Variants in MGMT observed in about 807,000 individuals in gnomAD.
The protein encoded by MGMT is O-6-methylguanine-DNA methyltransferase.
A neutral mutation model predicts 15.9 loss-of-function variants in MGMT; 14 were observed. The observed-to-expected ratio is 0.88, with a 90% confidence interval of 0.58 to 1.37. The LOEUF (loss-of-function observed/expected upper bound fraction) is 1.37. MGMT is among the 40% of genes most tolerant of loss of function. The probability of loss-of-function intolerance (pLI) is 0.00; values close to 1 mark genes in which losing one functional copy is unlikely to be tolerated. For missense variants in MGMT, 282 were observed against 268.1 expected, an observed-to-expected ratio of 1.05 and a Z score of -0.36; for synonymous variants, 130 against 118.2, an observed-to-expected ratio of 1.10 and a Z score of -0.65.
rs959172206 is a variant in MGMT at position 129,556,076 on chromosome 10, G to T, written c.125+19699G>T. 1.3e-5 allele frequency among the ~76,000 whole-genome samples: 2 copies of T among 152,190 alleles called. No homozygotes were observed. Among genetic ancestry groups the T allele is most frequent in the Admixed American group, 1.3e-4 (2 of 15,284 alleles). On this transcript the variant is annotated intron_variant, in intron 2 of 4. Coordinates refer to ENST00000651593, the MANE Select transcript of MGMT (RefSeq NM_002412.5). This position sits in a 1 kb window ranked among gnomAD's most constrained non-coding sequence, Gnocchi z 4.3. Reference sequence around the variant, plus strand: ...TTCCAAGTGGTTTTGTGTCTCCTCAGTTTACAGAGTCCATGTTTTTGGTGA... The same window carrying T: ...TTCCAAGTGGTTTTGTGTCTCCTCATTTTACAGAGTCCATGTTTTTGGTGA...
At chr10:129,764,611 G>C (rs1848911809) in intron 4 of MGMT, among the ~76,000 whole-genome samples, 2 of 152,268 alleles carry the variant, frequency 1.3e-5, no homozygotes, top group South Asian at 4.1e-4. Flanking sequence ...TGGCTTTGGA[G>C]GGTGGAGCGT....
intron 1 of MGMT, among the ~76,000 whole-genome samples, chr10:129,477,205 A>G (rs942280791): frequency 6.6e-6 from 1 of 151,056 alleles, no homozygotes; most frequent in East Asian, 2.0e-4. Flanking sequence ...AATCTTCCCC[A>G]CTCTCACTTC....
intron 1 of MGMT, among the ~76,000 whole-genome samples, chr10:129,529,336 G>C (rs528782063): frequency 3.2e-4 from 49 of 152,212 alleles, no homozygotes; most frequent in Non-Finnish European, 1.9e-4. Context: ...AGATGGGAGT[G>C]GGGGGATGGT....
intron 1 of MGMT, among the ~76,000 whole-genome samples, chr10:129,511,854 C>T (rs538927755): frequency 1.3e-5 from 2 of 152,334 alleles, no homozygotes; most frequent in East Asian, 1.9e-4. Context: ...CCTGCTGTAT[C>T]GGAATCCGCA....
chr10:129,671,801 T>A (rs1847727269), intron 2 of MGMT, among the ~76,000 whole-genome samples: 3 of 152,210 alleles, frequency 2.0e-5, no homozygotes, highest in Admixed American at 2.0e-4. Flanking sequence ...AACATCTTCA[T>A]CACCTCTGTC....
chr10:129,480,658 A>G (rs1293967180), intron 1 of MGMT, among the ~76,000 whole-genome samples: 1 of 152,142 alleles, frequency 6.6e-6, no homozygotes, highest in East Asian at 1.9e-4. Context: ...TGGGAGGATC[A>G]CTTGAGGCCA....
chr10:129,490,651 T>C (rs1845460435), intron 1 of MGMT, among the ~76,000 whole-genome samples: 1 of 152,142 alleles, frequency 6.6e-6, no homozygotes, highest in Non-Finnish European at 1.5e-5. Flanking sequence ...AAATATCCAG[T>C]TTGGTAGTCT....
At chr10:129,550,148 A>G (rs116156736) in intron 2 of MGMT, among the ~76,000 whole-genome samples, 32 of 152,356 alleles carry the variant, frequency 2.1e-4, no homozygotes, top group African/African-American at 6.0e-4. Flanking sequence ...TTGTGAACGT[A>G]CAGTTGAGCG....
At chr10:129,541,009 C>T (rs181940928) in intron 2 of MGMT, among the ~76,000 whole-genome samples, 732 of 152,326 alleles carry the variant, frequency 4.8e-3, no homozygotes, top group Non-Finnish European at 6.5e-3. Context: ...CTCCGAGTGC[C>T]TATGAGTCCC....
chr10:129,627,153 G>A (rs945017482), intron 2 of MGMT, among the ~76,000 whole-genome samples: 12 of 152,226 alleles, frequency 7.9e-5, no homozygotes, highest in African/African-American at 2.7e-4. Context: ...TTGAAAGTGA[G>A]ATATCAAAGG....
intron 1 of MGMT, among the ~76,000 whole-genome samples, chr10:129,485,914 A>G (rs995424541): frequency 1.3e-5 from 2 of 152,214 alleles, no homozygotes; most frequent in African/African-American, 4.8e-5. Context: ...AGTGGGTGAA[A>G]AGAAAGCTTC....
At chr10:129,591,220 A>G (rs557311) in intron 2 of MGMT, among the ~76,000 whole-genome samples, 59,639 of 152,104 alleles carry the variant, frequency 0.39, 12,627 homozygotes, top group East Asian at 0.64. Flanking sequence ...GTCCATTTTT[A>G]ACTTTTGAAA....
At chr10:129,611,324 C>T (rs1305526703) in intron 2 of MGMT, among the ~76,000 whole-genome samples, 1 of 152,208 alleles carries the variant, frequency 6.6e-6, no homozygotes, top group East Asian at 1.9e-4. Flanking sequence ...GAAGCAAACA[C>T]ATCCTCATGG....
At chr10:129,569,334 T>C (rs1337878675) in intron 2 of MGMT, among the ~76,000 whole-genome samples, 2 of 152,178 alleles carry the variant, frequency 1.3e-5, no homozygotes, top group Non-Finnish European at 2.9e-5. Context: ...TAGTTGGCGT[T>C]GTCATCCTGT....
At chr10:129,582,130 T>A (rs1465148287) in intron 2 of MGMT, among the ~76,000 whole-genome samples, 3 of 152,226 alleles carry the variant, frequency 2.0e-5, no homozygotes, top group African/African-American at 7.2e-5. Context: ...CATCTGTGTA[T>A]GAAGGACATC....
chr10:129,568,965 CT>C (rs892501004), intron 2 of MGMT, among the ~76,000 whole-genome samples: 4 of 152,234 alleles, frequency 2.6e-5, no homozygotes, highest in African/African-American at 9.6e-5. Context: ...CTTTCCTGGG[CT>C]GCCTCACACA....
intron 1 of MGMT, among the ~76,000 whole-genome samples, chr10:129,473,958 C>A (rs999550414): frequency 6.6e-6 from 1 of 152,158 alleles, no homozygotes; most frequent in Non-Finnish European, 1.5e-5. Context: ...TCACCATGTC[C>A]CTGCAGGCCA....
intron 4 of MGMT, among the ~76,000 whole-genome samples, chr10:129,764,230 G>C (rs988359682): frequency 6.6e-6 from 1 of 152,262 alleles, no homozygotes; most frequent in Non-Finnish European, 1.5e-5. Context: ...GGCCTGGTGG[G>C]GCCTTGCGGG....
intron 2 of MGMT, among the ~76,000 whole-genome samples, chr10:129,619,576 T>A (rs1847067672): frequency 1.3e-5 from 2 of 152,176 alleles, no homozygotes; most frequent in Non-Finnish European, 2.9e-5. Flanking sequence ...ATTTTTTTTA[T>A]TTAAGTGTTT....
Sources: allele counts gnomAD v4.1 joint callset (sites outside exome capture counted in the v4.1 genomes callset), GRCh38; gene constraint gnomAD v4.1.1; non-coding constraint Gnocchi (gnomAD v3.1); transcripts MANE v1.5; gene names NCBI Gene and HGNC (gene_info 2026-07-23, HGNC 2026-07-21).